NPAS3: variants seen among roughly 807,000 people sequenced by gnomAD.
NPAS3 encodes the protein neuronal PAS domain protein 3.
NPAS3 carries 14 observed loss-of-function variants against 73.1 expected under a neutral mutation model. The ratio of observed to expected loss-of-function variants is 0.19; its 90% CI spans 0.13 to 0.30. The LOEUF (loss-of-function observed/expected upper bound fraction) is 0.30, where lower values mean the gene tolerates loss of function less well. Among genes scored for constraint, NPAS3 ranks in the 10% least tolerant of loss-of-function variants. NPAS3 has a pLI of 1.00. For missense variants in NPAS3, 1,096 were observed against 1,250.0 expected (o/e 0.88, Z 1.86); for synonymous variants, 620 against 541.5 (o/e 1.14, Z -2.01).
chr14:33,158,200 G>C (rs879870092), intron 2 of NPAS3, among the ~76,000 whole-genome samples: 3 of 152,164 alleles, frequency 2.0e-5, no homozygotes, highest in Non-Finnish European at 4.4e-5. Flanking sequence ...GTTGATCTTT[G>C]TTAACTCCTT....
At chr14:33,336,508 G>A (rs1566808684) in intron 3 of NPAS3, among the ~76,000 whole-genome samples, 1 of 152,174 alleles carries the variant, frequency 6.6e-6, no homozygotes. Flanking sequence ...CACCTGGTTG[G>A]TTGCAAAAGA....
chr14:33,305,902 G>A (rs571580524), intron 3 of NPAS3, among the ~76,000 whole-genome samples: 1 of 152,174 alleles, frequency 6.6e-6, no homozygotes, highest in Non-Finnish European at 1.5e-5. Flanking sequence ...CTCTGAATTT[G>A]CAAGTGTAGG....
At chr14:33,475,956 A>C (rs950078350) in intron 4 of NPAS3, among the ~76,000 whole-genome samples, 11 of 152,168 alleles carry the variant, frequency 7.2e-5, no homozygotes, top group Non-Finnish European at 1.6e-4. Context: ...ATGGGACTAG[A>C]GCCTCACTTC....
chr14:33,091,378 T>A, intron 2 of NPAS3, among the ~76,000 whole-genome samples: 1 of 152,106 alleles, frequency 6.6e-6, no homozygotes, highest in East Asian at 1.9e-4. Context: ...ACAAATAAAC[T>A]AGAAAACTTA....
chr14:33,466,087 C>T (rs2050512172), intron 4 of NPAS3, among the ~76,000 whole-genome samples: 1 of 152,054 alleles, frequency 6.6e-6, no homozygotes, highest in South Asian at 2.1e-4. Flanking sequence ...GCTTGAGCTT[C>T]GGGAGCATGC....
At chr14:32,986,489 A>G (rs920850698) in intron 1 of NPAS3, among the ~76,000 whole-genome samples, 3 of 152,174 alleles carry the variant, frequency 2.0e-5, no homozygotes, top group African/African-American at 4.8e-5. Context: ...CTCTGTGTGC[A>G]TGGGTTTTTG....
intron 2 of NPAS3, among the ~76,000 whole-genome samples, chr14:33,102,975 A>G (rs1324700360): frequency 1.3e-5 from 2 of 152,196 alleles, no homozygotes; most frequent in Non-Finnish European, 2.9e-5. Context: ...GTCTGCAGGC[A>G]TTTAGTAAGT....
At chr14:33,553,654 C>A (rs2055224385) in intron 4 of NPAS3, among the ~76,000 whole-genome samples, 1 of 152,174 alleles carries the variant, frequency 6.6e-6, no homozygotes, top group Admixed American at 6.5e-5. Context: ...GAACAGAAAG[C>A]TCTTAGAGAT....
rs2037415672 is a variant in NPAS3, at chr14:32,971,340, C to G, written c.50+31974C>G. ...CCTCAAGTGATCCACCTGCCTTGGC[C>G]TCCCAAAGTGCTGGGATTACAGGTG... On this transcript the variant is annotated intron_variant, in intron 1 of 11. Coordinates refer to ENST00000356141, the Ensembl canonical transcript of NPAS3. Among the ~76,000 whole-genome samples the G allele has an allele frequency of 2.0e-5, 3 of 152,272 alleles. No individual in the cohort carries two copies. In the South Asian group the frequency reaches 6.2e-4, roughly 32 times the overall value.
At chr14:33,396,581 A>G (rs1312970474) in intron 4 of NPAS3, among the ~76,000 whole-genome samples, 2 of 152,072 alleles carry the variant, frequency 1.3e-5, no homozygotes, top group African/African-American at 4.8e-5. Context: ...ATTCCTGGCC[A>G]TTCTATTCCT....
At chr14:32,952,815 A>T (rs1381123899) in intron 1 of NPAS3, among the ~76,000 whole-genome samples, 1 of 152,136 alleles carries the variant, frequency 6.6e-6, no homozygotes, top group Non-Finnish European at 1.5e-5. Context: ...TCATGCTTGT[A>T]ATCCCAGCAC....
At chr14:33,376,773 CT>C (rs1191999067) in intron 4 of NPAS3, among the ~76,000 whole-genome samples, 1 of 152,190 alleles carries the variant, frequency 6.6e-6, no homozygotes, top group African/African-American at 2.4e-5. Flanking sequence ...CTTGCCCTCT[CT>C]AAGCCTTAGT....
chr14:33,576,984 T>A (rs1264293411), intron 5 of NPAS3, among the ~76,000 whole-genome samples: 1 of 152,134 alleles, frequency 6.6e-6, no homozygotes, highest in East Asian at 1.9e-4. Flanking sequence ...AAATTAATAT[T>A]CCTATTTTAA....
chr14:33,522,841 G>C (rs530684049), intron 4 of NPAS3, among the ~76,000 whole-genome samples: 2 of 152,044 alleles, frequency 1.3e-5, no homozygotes, highest in Non-Finnish European at 2.9e-5. Context: ...TGGTGCTTGC[G>C]GTGTGGAGAA....
At chr14:33,461,542 G>A (rs562147509) in intron 4 of NPAS3, among the ~76,000 whole-genome samples, 48 of 152,238 alleles carry the variant, frequency 3.2e-4, no homozygotes, top group African/African-American at 1.1e-3. Context: ...GAGTTCCGAC[G>A]GGAAAATCAC....
chr14:33,650,086 G>A (rs1212216695), intron 5 of NPAS3, among the ~76,000 whole-genome samples: 1 of 152,188 alleles, frequency 6.6e-6, no homozygotes, highest in East Asian at 1.9e-4. Context: ...AGGAGGATGT[G>A]TTTTTAAGAA....
intron 3 of NPAS3, among the ~76,000 whole-genome samples, chr14:33,352,205 T>G (rs1241531555): frequency 6.6e-6 from 1 of 152,236 alleles, no homozygotes; most frequent in African/African-American, 2.4e-5. Context: ...TCAAACAGCA[T>G]GCTAAATAAA....
intron 5 of NPAS3, among the ~76,000 whole-genome samples, chr14:33,579,622 C>T (rs1187454426): frequency 1.3e-5 from 2 of 151,914 alleles, no homozygotes; most frequent in East Asian, 3.9e-4. Flanking sequence ...TTTCCCTGTT[C>T]AGTTGTGCAT....
At chr14:33,770,817 T>G (rs973660953) in intron 7 of NPAS3, among the ~76,000 whole-genome samples, 1 of 152,092 alleles carries the variant, frequency 6.6e-6, no homozygotes, top group Non-Finnish European at 1.5e-5. Context: ...GGAGAACTGC[T>G]TGAACCTGGG....
Sources: allele counts gnomAD v4.1 joint callset (sites outside exome capture counted in the v4.1 genomes callset), GRCh38; gene constraint gnomAD v4.1.1; transcripts MANE v1.5; gene names NCBI Gene and HGNC (gene_info 2026-07-23, HGNC 2026-07-21).